NLGN1: variants seen among roughly 807,000 people sequenced by gnomAD.
NLGN1 encodes neuroligin-1.
A neutral mutation model predicts 65.5 loss-of-function variants in NLGN1; 12 were observed. The ratio of observed to expected loss-of-function variants is 0.18; its 90% CI spans 0.12 to 0.30. The LOEUF is 0.30. NLGN1 is among the 10% of genes least tolerant of loss of function. The pLI, the probability that NLGN1 is intolerant of heterozygous loss-of-function variation, is 1.00. For missense variants in NLGN1, 750 were observed against 1,007.1 expected (o/e 0.74, Z 3.46); for synonymous variants, 350 against 359.5 (o/e 0.97, Z 0.30).
chr3:173,887,973 C>T (rs1734668293), intron 4 of NLGN1, among the ~76,000 whole-genome samples: 2 of 151,968 alleles, frequency 1.3e-5, no homozygotes. Context: ...TTACTTCTAA[C>T]TGATCTTCTA....
intron 4 of NLGN1, among the ~76,000 whole-genome samples, chr3:174,223,878 A>G (rs1442523948): frequency 1.3e-5 from 2 of 152,164 alleles, no homozygotes; most frequent in African/African-American, 4.8e-5. Flanking sequence ...CCCTGAGTTA[A>G]TGAGACTGTA....
chr3:174,135,575 T>A lies in NLGN1; in HGVS notation c.647-139740T>A, dbSNP rs556506578. Among the ~76,000 whole-genome samples the A allele has an allele frequency of 4.6e-5, 7 of 152,250 alleles. No individual in the cohort carries two copies. The East Asian group carries it at 1.2e-3, about 25-fold the overall frequency. On this transcript the variant is annotated intron_variant, in intron 4 of 6. Coordinates refer to ENST00000457714, the Ensembl canonical transcript of NLGN1. Reference sequence around the variant, plus strand: ...GTAAATGGGTTTGAAGTGCTAACAGTTTTGACTTTTAAAAGAATATTTGGT... The same window carrying A: ...GTAAATGGGTTTGAAGTGCTAACAGATTTGACTTTTAAAAGAATATTTGGT...
chr3:173,924,622 C>CA (rs538515565), intron 4 of NLGN1, among the ~76,000 whole-genome samples: 6,140 of 128,604 alleles, frequency 0.048, 437 homozygotes, highest in African/African-American at 0.16. Flanking sequence ...AACCCTGTCT[C>CA]AAAAAAAAAA....
intron 4 of NLGN1, among the ~76,000 whole-genome samples, chr3:174,200,128 C>T (rs1017749703): frequency 6.6e-6 from 1 of 152,156 alleles, no homozygotes; most frequent in Non-Finnish European, 1.5e-5. Flanking sequence ...TTTGCCTCTG[C>T]CGTTTACTCA....
At chr3:173,641,536 C>T (rs1757422483) in intron 3 of NLGN1, among the ~76,000 whole-genome samples, 1 of 152,140 alleles carries the variant, frequency 6.6e-6, no homozygotes, top group Non-Finnish European at 1.5e-5. Flanking sequence ...GGTGATCCAC[C>T]CACCTAAGCC....
intron 2 of NLGN1, among the ~76,000 whole-genome samples, chr3:173,539,576 G>A (rs1475604038): frequency 2.2e-5 from 3 of 135,344 alleles, no homozygotes; most frequent in Non-Finnish European, 3.1e-5. Context: ...TAACATATAT[G>A]TTATGTTATA....
At chr3:173,881,653 C>T (rs1464053232) in intron 4 of NLGN1, among the ~76,000 whole-genome samples, 1 of 151,952 alleles carries the variant, frequency 6.6e-6, no homozygotes, top group Non-Finnish European at 1.5e-5. Flanking sequence ...GTCTCGATCT[C>T]CTGACCTCGT....
intron 4 of NLGN1, among the ~76,000 whole-genome samples, chr3:173,980,658 T>C (rs545078645): frequency 1.8e-4 from 27 of 152,180 alleles, no homozygotes; most frequent in African/African-American, 5.5e-4. Flanking sequence ...AAAAAAAACA[T>C]TGTATAATGA....
intron 1 of NLGN1, among the ~76,000 whole-genome samples, chr3:173,404,707 T>C (rs1433033684): frequency 2.6e-5 from 4 of 152,156 alleles, no homozygotes; most frequent in Non-Finnish European, 5.9e-5. Context: ...ACAGTACAGA[T>C]GATTAGAAGG....
intron 3 of NLGN1, among the ~76,000 whole-genome samples, chr3:173,799,275 C>CA (rs980329515): frequency 6.6e-6 from 1 of 151,764 alleles, no homozygotes; most frequent in Admixed American, 6.6e-5. Flanking sequence ...GTTGTGGAAA[C>CA]AAAAAAAGAA....
intron 3 of NLGN1, among the ~76,000 whole-genome samples, chr3:173,764,421 C>T (rs1434740215): frequency 6.6e-6 from 1 of 152,108 alleles, no homozygotes; most frequent in Admixed American, 6.6e-5. Flanking sequence ...TTCACTTGTT[C>T]ATTAAGCAAG....
chr3:173,602,528 A>C (rs953718677), intron 2 of NLGN1, among the ~76,000 whole-genome samples: 2 of 152,046 alleles, frequency 1.3e-5, no homozygotes, highest in Admixed American at 1.3e-4. Flanking sequence ...CATCAGTGGG[A>C]AACAGGAGCT....
At chr3:173,697,106 C>A (rs1766337321) in intron 3 of NLGN1, among the ~76,000 whole-genome samples, 1 of 152,138 alleles carries the variant, frequency 6.6e-6, no homozygotes, top group Non-Finnish European at 1.5e-5. Flanking sequence ...TAGCTTTGAT[C>A]CTAGTGAAAG....
chr3:173,765,146 A>G (rs1778587565), intron 3 of NLGN1, among the ~76,000 whole-genome samples: 1 of 151,800 alleles, frequency 6.6e-6, no homozygotes, highest in African/African-American at 2.4e-5. Flanking sequence ...TTATTCAGAG[A>G]TATAATTCCT....
At position 174,279,064 on chromosome 3, in the gene NLGN1, G is replaced by A. The variant is rs917365372; in HGVS notation, c.1063G>A (p.Ala355Thr). 6 of 1,612,884 alleles carry A rather than the reference G, an allele frequency of 3.7e-6. No homozygotes were observed. The African/African-American group carries it at 4.0e-5, about 11-fold the overall frequency. Residue 355 changes from alanine (A) to threonine (T), a missense_variant, in exon 6 of 7, where the codon GCC becomes ACC. Transcript: ENST00000457714. The surrounding 1 kb of genome is among the most constrained non-coding windows in gnomAD (Gnocchi z 4.7). ...TATTCAACCAGCTCGATACCACATA[G>A]CCTTTGGACCTGTGATTGATGGTGA... is the stretch of plus-strand genomic sequence containing the variant.
chr3:173,662,069 G>T (rs1173104728), intron 3 of NLGN1, among the ~76,000 whole-genome samples: 5 of 151,978 alleles, frequency 3.3e-5, no homozygotes, highest in African/African-American at 1.2e-4. Context: ...GACTCTCCGT[G>T]TATGGCTTAT....
chr3:174,232,213 G>T (rs1220212743), intron 4 of NLGN1, among the ~76,000 whole-genome samples: 1 of 152,090 alleles, frequency 6.6e-6, no homozygotes. Flanking sequence ...TTGTTCTCTG[G>T]CGGGCAGAGT....
chr3:173,965,932 C>A (rs1442695618), intron 4 of NLGN1, among the ~76,000 whole-genome samples: 1 of 151,986 alleles, frequency 6.6e-6, no homozygotes, highest in African/African-American at 2.4e-5. Flanking sequence ...TTATATACAT[C>A]TGTTTGTGTG....
chr3:173,540,377 G>A (rs1472576084), intron 2 of NLGN1, among the ~76,000 whole-genome samples: 1 of 152,136 alleles, frequency 6.6e-6, no homozygotes, highest in African/African-American at 2.4e-5. Flanking sequence ...CTCAGTAAAT[G>A]GGCCAGAGTA....
Sources: allele counts gnomAD v4.1 joint callset (sites outside exome capture counted in the v4.1 genomes callset), GRCh38; gene constraint gnomAD v4.1.1; non-coding constraint Gnocchi (gnomAD v3.1); transcripts MANE v1.5; gene names NCBI Gene and HGNC (gene_info 2026-07-23, HGNC 2026-07-21).